The following MYO1D variants were observed in gnomAD, a reference collection of about 807,000 sequenced individuals.
MYO1D encodes unconventional myosin-Id.
In MYO1D, 83 loss-of-function variants were observed where a neutral mutation model predicts 122.0. That is an observed-to-expected ratio of 0.68 (90% CI 0.57 to 0.82). The LOEUF is 0.82. MYO1D is among the 40% of genes least tolerant of loss of function. The pLI is 0.00. For missense variants in MYO1D, 1,157 were observed against 1,269.5 expected (o/e 0.91, Z 1.35); for synonymous variants, 464 against 446.9 (o/e 1.04, Z -0.48).
intron 1 of MYO1D, among the ~76,000 whole-genome samples, chr17:32,822,484 G>A (rs1342378579): frequency 6.8e-6 from 1 of 147,048 alleles, no homozygotes; most frequent in Non-Finnish European, 1.5e-5. Flanking sequence ...GGCGGGGGGC[G>A]CGCGTCCCCG....
chr17:32,538,792 T>A (rs1441214702), intron 21 of MYO1D, among the ~76,000 whole-genome samples: 1 of 152,182 alleles, frequency 6.6e-6, no homozygotes, highest in Non-Finnish European at 1.5e-5. Context: ...TCATGTCCTT[T>A]GCAGGAACAT....
At chr17:32,709,194 T>C (rs573266721) in intron 16 of MYO1D, among the ~76,000 whole-genome samples, 3 of 152,284 alleles carry the variant, frequency 2.0e-5, no homozygotes, top group Non-Finnish European at 2.9e-5. Context: ...AGTTTATCCA[T>C]ACTGGAACAC....
intron 20 of MYO1D, among the ~76,000 whole-genome samples, chr17:32,619,370 G>A (rs2087824261): frequency 6.6e-6 from 1 of 152,182 alleles, no homozygotes; most frequent in South Asian, 2.1e-4. Flanking sequence ...TGGCCAAGAA[G>A]GCGCTCCTTT....
intron 1 of MYO1D, among the ~76,000 whole-genome samples, chr17:32,822,819 C>G (rs572205934): frequency 6.6e-6 from 1 of 151,644 alleles, no homozygotes; most frequent in South Asian, 2.1e-4. Flanking sequence ...GTCGGGCCTC[C>G]GGGGTCGACC....
intron 1 of MYO1D, among the ~76,000 whole-genome samples, chr17:32,837,173 T>C (rs1303746503): frequency 6.6e-6 from 1 of 152,052 alleles, no homozygotes; most frequent in Non-Finnish European, 1.5e-5. Context: ...GCTCCCATTT[T>C]CTTGATGTGC....
intron 1 of MYO1D, among the ~76,000 whole-genome samples, chr17:32,784,500 T>C (rs1470406876): frequency 6.6e-6 from 1 of 152,114 alleles, no homozygotes; most frequent in African/African-American, 2.4e-5. Flanking sequence ...TTAATAGCAA[T>C]TGATTTTTTA....
chr17:32,843,785 T>C (rs1170448651), intron 1 of MYO1D, among the ~76,000 whole-genome samples: 1 of 152,176 alleles, frequency 6.6e-6, no homozygotes, highest in Non-Finnish European at 1.5e-5. Flanking sequence ...AGAAAATCTA[T>C]TAACAATGGT....
At chr17:32,716,151 T>C (rs954243918) in intron 15 of MYO1D, among the ~76,000 whole-genome samples, 1 of 152,236 alleles carries the variant, frequency 6.6e-6, no homozygotes, top group African/African-American at 2.4e-5. Flanking sequence ...GGTTGCCTCC[T>C]TCCTACTTCA....
intron 21 of MYO1D, among the ~76,000 whole-genome samples, chr17:32,580,067 C>T (rs970534599): frequency 7.2e-5 from 11 of 151,936 alleles, no homozygotes; most frequent in African/African-American, 2.4e-4. Flanking sequence ...CAAACTGTTC[C>T]CACCATGATA....
chr17:32,737,021 T>C (rs1190421383), intron 14 of MYO1D, among the ~76,000 whole-genome samples: 2 of 152,178 alleles, frequency 1.3e-5, no homozygotes, highest in African/African-American at 4.8e-5. Context: ...CAAAAGGAGA[T>C]AGAAAGCGAC....
At chr17:32,620,418 GT>G (rs1246104194) in intron 20 of MYO1D, among the ~76,000 whole-genome samples, 3 of 152,128 alleles carry the variant, frequency 2.0e-5, no homozygotes, top group African/African-American at 4.8e-5. Flanking sequence ...GTTTTGCTAG[GT>G]TACCCCTTTC....
chr17:32,652,885 T>TA (rs2088412465), intron 19 of MYO1D, among the ~76,000 whole-genome samples: 1 of 152,240 alleles, frequency 6.6e-6, no homozygotes. Flanking sequence ...CTCACGCCTG[T>TA]AATCCCAGCA....
chr17:32,523,041 T>G (rs1910211669), intron 21 of MYO1D, among the ~76,000 whole-genome samples: 2 of 152,190 alleles, frequency 1.3e-5, no homozygotes, highest in Admixed American at 6.5e-5. Context: ...GGTCTCGATC[T>G]CCTGACCTTG....
intron 1 of MYO1D, among the ~76,000 whole-genome samples, chr17:32,805,306 A>G (rs1225672615): frequency 6.6e-6 from 1 of 152,188 alleles, no homozygotes; most frequent in Non-Finnish European, 1.5e-5. Context: ...CAAACAAACT[A>G]AGACATTAGG....
intron 19 of MYO1D, among the ~76,000 whole-genome samples, chr17:32,646,023 T>A (rs1035674638): frequency 6.6e-6 from 1 of 152,268 alleles, no homozygotes; most frequent in East Asian, 1.9e-4. Context: ...TTTTTCCCGA[T>A]CTTTGTGGTT....
At chr17:32,714,200 C>T (rs1452470349) in intron 15 of MYO1D, among the ~76,000 whole-genome samples, 1 of 152,010 alleles carries the variant, frequency 6.6e-6, no homozygotes, top group African/African-American at 2.4e-5. Context: ...ATTAGCTATT[C>T]TTCCTGATGA....
At position 32,653,934 on chromosome 17, in the gene MYO1D, G is replaced by C; in HGVS notation, c.2504C>G (p.Pro835Arg). Residue 835 changes from proline (P) to arginine (R), a missense_variant, in exon 19 of 22, where the codon CCT (proline) becomes CGT (arginine). Pro to Arg is a moderately radical substitution (Grantham distance 103, BLOSUM62 -2). Coordinates refer to ENST00000318217, the MANE Select transcript of MYO1D (RefSeq NM_015194.3). Reference protein sequence around the residue: ...GNYLASKPDTPQTSGTFVPVA... With the variant: ...GNYLASKPDTRQTSGTFVPVA... Reference sequence around the variant, plus strand: ...AGGGACAAAAGTGCCTGAGGTCTGAGGTGTATCTGGCTTCTGAAAGAGAAA... The same window carrying C: ...AGGGACAAAAGTGCCTGAGGTCTGACGTGTATCTGGCTTCTGAAAGAGAAA... The C allele has an allele frequency of 6.2e-7, 1 of 1,613,138 alleles. No homozygotes were observed. Among genetic ancestry groups the C allele is most frequent in the South Asian group, 1.1e-5 (1 of 90,984 alleles).
chr17:32,534,707 C>G (rs1010844242), intron 21 of MYO1D, among the ~76,000 whole-genome samples: 2 of 152,160 alleles, frequency 1.3e-5, no homozygotes, highest in Non-Finnish European at 2.9e-5. Flanking sequence ...GTTTCTCTGA[C>G]AAATGCTGGG....
intron 19 of MYO1D, among the ~76,000 whole-genome samples, chr17:32,639,502 A>C (rs776536320): frequency 1.6e-4 from 24 of 151,904 alleles, no homozygotes; most frequent in Non-Finnish European, 3.4e-4. Flanking sequence ...AGGATATTTT[A>C]TAAGTAGTTA....
Sources: allele counts gnomAD v4.1 joint callset (sites outside exome capture counted in the v4.1 genomes callset), GRCh38; gene constraint gnomAD v4.1.1; transcripts MANE v1.5; gene names NCBI Gene and HGNC (gene_info 2026-07-23, HGNC 2026-07-21).